Variants in ZNF197 observed in about 807,000 individuals in gnomAD.
ZNF197 encodes zinc finger protein 197.
Under a neutral mutation model 27.4 loss-of-function variants are expected in ZNF197, and 14 were observed. The observed-to-expected ratio is 0.51, with a 90% CI of 0.34 to 0.80. The LOEUF is 0.80. Among genes scored for constraint, ZNF197 ranks in the 30% least tolerant of loss-of-function variants. ZNF197 has a pLI of 0.02. For synonymous variants in ZNF197, 415 were observed against 420.0 expected (o/e 0.99, Z 0.15); for missense variants, 1,090 against 1,222.6 (o/e 0.89, Z 1.62).
In ZNF197 at chr3:44,644,007, G is replaced by T; in HGVS notation, c.2877G>T (p.Gly959=). 6.2e-7 allele frequency: 1 copy of T among 1,614,148 alleles called. No individual in the cohort carries two copies. The highest frequency in any genetic ancestry group is 8.5e-7 in the Non-Finnish European group (1 of 1,180,018). ...TTCACACAGGGGAGAAACCCTATGGGTGTAATGATTGTAGTAAAGTTTTTA... is the reference window on the plus strand; with the variant it reads ...TTCACACAGGGGAGAAACCCTATGGTTGTAATGATTGTAGTAAAGTTTTTA... ...QRIHTGEKPY[G]CNDCSKVFRQ... is the part of the protein sequence containing the mutation. Residue 959 remains glycine (G), a synonymous_variant, in exon 6 of 6, where the codon GGG becomes GGT. Transcript: ENST00000344387.
At chr3:44,627,830 CAAAAA>C (rs536166949) in intron 1 of ZNF197, among the ~76,000 whole-genome samples, 3 of 85,474 alleles carry the variant, frequency 3.5e-5, no homozygotes. Context: ...GACTCCATCT[CAAAAA>C]AAAAAAAAAA....
Position 44,640,383 on chromosome 3 carries a change from CTTGTT to C in ZNF197, c.770-1508_770-1504del, listed in dbSNP as rs1392244978. On this transcript the variant is annotated intron_variant, in intron 5 of 5. Transcript: ENST00000344387. This position sits in a 1 kb window ranked among gnomAD's most constrained non-coding sequence, Gnocchi z 4.0. ...CTCTTTGTTTTTTGTTTGTTTTGTT[CTTGTT>C]TTGTTTTGAGATGGAGTCTTGCTCT... Among the ~76,000 whole-genome samples, 2 of 151,834 alleles carry C rather than the reference CTTGTT, an allele frequency of 1.3e-5. No homozygotes were observed. Among genetic ancestry groups the C allele is most frequent in the African/African-American group, 4.8e-5 (2 of 41,336 alleles).
chr3:44,634,077 A>G (rs967766071), intron 5 of ZNF197, among the ~76,000 whole-genome samples: 6 of 152,184 alleles, frequency 3.9e-5, no homozygotes, highest in Non-Finnish European at 8.8e-5. Context: ...TTAAACTCCC[A>G]CAGAAAGAAC....
At position 44,629,124 on chromosome 3, in the gene ZNF197, A is replaced by C; in HGVS notation, c.-31A>C. On this transcript the variant is annotated 5_prime_UTR_variant, in exon 2 of 6. Coordinates refer to ENST00000344387, the MANE Select transcript of ZNF197 (RefSeq NM_006991.5). ...GAAGTCAAGGATTAAGGAGACCTGG[A>C]CTGGAGAGGAGCCTTTTTCAAAAAA... 1 of 1,578,898 alleles carries C rather than the reference A, an allele frequency of 6.3e-7. No homozygotes were observed. Among genetic ancestry groups the C allele is most frequent in the Non-Finnish European group, 8.6e-7 (1 of 1,166,868 alleles).
intron 1 of ZNF197, among the ~76,000 whole-genome samples, chr3:44,627,652 G>A (rs1486191983): frequency 1.3e-5 from 2 of 151,832 alleles, no homozygotes; most frequent in Admixed American, 6.6e-5. Flanking sequence ...CCAACATTGC[G>A]AAACCCCGTC....
rs1030418064 is a variant in ZNF197, at chr3:44,640,296, CTTCAT to C, written c.770-1600_770-1596del. 5.3e-5 allele frequency among the ~76,000 whole-genome samples: 8 copies of C among 152,254 alleles called. No homozygotes were observed. The highest frequency in any genetic ancestry group is 3.3e-4 in the Admixed American group (5 of 15,284). On this transcript the variant is annotated intron_variant, in intron 5 of 5. Coordinates refer to ENST00000344387, the MANE Select transcript of ZNF197 (RefSeq NM_006991.5). This position sits in a 1 kb window ranked among gnomAD's most constrained non-coding sequence, Gnocchi z 4.0. Reference sequence around the variant, plus strand: ...CATCTCAGTTTAACTACTTGTAACACTTCATTTCCTTATATAGAAATGTTTCATTA... The same window carrying C: ...CATCTCAGTTTAACTACTTGTAACACTTCCTTATATAGAAATGTTTCATTA...
At chr3:44,638,513 T>C (rs1702427756) in intron 5 of ZNF197, among the ~76,000 whole-genome samples, 1 of 152,202 alleles carries the variant, frequency 6.6e-6, no homozygotes, top group African/African-American at 2.4e-5. Flanking sequence ...GATTTTGTCA[T>C]CTGCAAATAG....
In ZNF197 at chr3:44,646,705, C is replaced by A; in HGVS notation, c.*2485C>A. The A allele has an allele frequency of 1.8e-6, 1 of 541,710 alleles. No homozygotes were observed. The highest frequency in any genetic ancestry group is 2.7e-5 in the South Asian group (1 of 37,254). The allele number at this position is 541,710 out of a possible 1,614,324, so 33.6% of individuals were successfully genotyped here. A position where few individuals can be genotyped will look rare whatever the true frequency, so the allele number is the denominator to read the frequency against. On this transcript the variant is annotated 3_prime_UTR_variant, in exon 6 of 6. Transcript: ENST00000344387. The stretch of plus-strand genomic sequence containing the variant: ...TGCTTTTGTGTATGTATGAAAATTT[C>A]GATATGAAAGGTATAAAACATGGAT...
At chr3:44,632,673 C>G in intron 5 of ZNF197, 74 bp downstream of exon 5, 1 of 1,361,670 alleles carries the variant, frequency 7.3e-7, no homozygotes, top group Non-Finnish European at 9.6e-7. Context: ...ATAAAAGTAG[C>G]ATATATGTAT....
intron 5 of ZNF197, among the ~76,000 whole-genome samples, chr3:44,638,300 G>C (rs929618547): frequency 6.6e-6 from 1 of 151,374 alleles, no homozygotes; most frequent in Non-Finnish European, 1.5e-5. Flanking sequence ...ATGCGATGGG[G>C]TTTTATACGT....
rs151066995 is a variant in ZNF197, at chr3:44,633,274, A to G, written c.769+675A>G. Among the ~76,000 whole-genome samples the G allele has an allele frequency of 2.8e-4, 43 of 152,354 alleles. No homozygotes were observed. In the East Asian group the frequency reaches 7.3e-3, roughly 26 times the overall value. ...AAATAATAAAAGAATATTTCAAAACAATTTTTAGCCATTTTTGCTACCAGC... is the reference window on the plus strand; with the variant it reads ...AAATAATAAAAGAATATTTCAAAACGATTTTTAGCCATTTTTGCTACCAGC... On this transcript the variant is annotated intron_variant, in intron 5 of 5. Coordinates refer to ENST00000344387, the MANE Select transcript of ZNF197 (RefSeq NM_006991.5).
At chr3:44,638,166 A>T (rs1487244772) in intron 5 of ZNF197, among the ~76,000 whole-genome samples, 1 of 152,094 alleles carries the variant, frequency 6.6e-6, no homozygotes, top group Non-Finnish European at 1.5e-5. Context: ...TAAGAATATA[A>T]GTTTTTCACT....
chr3:44,629,073 G>C lies in ZNF197; in HGVS notation c.-81-1G>C. ...AACAATGATTTCTTGAGGTCTTGTAGATGATACTCTCCAAGCTGTAAGGAA... is the reference window on the plus strand; with the variant it reads ...AACAATGATTTCTTGAGGTCTTGTACATGATACTCTCCAAGCTGTAAGGAA... On this transcript the variant is annotated splice_acceptor_variant, in intron 1 of 5. Coordinates refer to ENST00000344387, the MANE Select transcript of ZNF197 (RefSeq NM_006991.5). LOFTEE classifies it low-confidence loss of function (5UTR_SPLICE). The C allele has an allele frequency of 6.6e-7, 1 of 1,520,408 alleles. No homozygotes were observed. Among genetic ancestry groups the C allele is most frequent in the South Asian group, 1.4e-5 (1 of 73,154 alleles). The allele number at this position is 1,520,408 out of a possible 1,614,324, so 94.2% of individuals were successfully genotyped here.
chr3:44,632,387 G>C, intron 4 of ZNF197, 86 bp from the exon 5 acceptor site: 1 of 1,537,304 alleles, frequency 6.5e-7, no homozygotes, highest in Non-Finnish European at 8.8e-7. Context: ...TGGCCTCACA[G>C]TGTATCCCTT....
At chr3:44,639,849 A>G (rs1702500268) in intron 5 of ZNF197, among the ~76,000 whole-genome samples, 1 of 152,040 alleles carries the variant, frequency 6.6e-6, no homozygotes, top group Admixed American at 6.6e-5. Flanking sequence ...CTAGGGGCAT[A>G]AGAGATACTG....
At chr3:44,630,913 A>AGCTTTACT (rs1213665322) in intron 2 of ZNF197, 149 bp from the exon 3 acceptor site, 2 of 1,094,852 alleles carry the variant, frequency 1.8e-6, no homozygotes, top group African/African-American at 3.1e-5. Flanking sequence ...CTCAATGCAA[A>AGCTTTACT]GCTTTACTGC....
intron 5 of ZNF197, among the ~76,000 whole-genome samples, chr3:44,635,683 C>T (rs1177141602): frequency 6.6e-6 from 1 of 152,090 alleles, no homozygotes; most frequent in African/African-American, 2.4e-5. Context: ...TATTGAGTAC[C>T]TCCCCTGTCA....
chr3:44,629,880 T>C (rs1490842577), intron 2 of ZNF197, among the ~76,000 whole-genome samples: 3 of 152,214 alleles, frequency 2.0e-5, no homozygotes, highest in Non-Finnish European at 4.4e-5. Flanking sequence ...GAAGCCTATG[T>C]ATTGTTTCTA....
rs1701559725 is a variant in ZNF197 at position 44,625,072 on chromosome 3, C to T, written c.-153C>T. On this transcript the variant is annotated 5_prime_UTR_variant, in exon 1 of 6. Transcript: ENST00000344387. The stretch of plus-strand genomic sequence containing the variant: ...GCCTCGGCTGCCGGAAGGGCTCGTT[C>T]CTGTGTCATCTCCTAGCGGCCTGGC... 6.6e-6 allele frequency: 1 copy of T among 152,262 alleles called. No homozygotes were observed. The highest frequency in any genetic ancestry group is 6.5e-5 in the Admixed American group (1 of 15,288). 9.4% of individuals were successfully genotyped at this position (152,262 alleles called of 1,614,324 possible).
Sources: gnomAD v4.1 joint callset for allele counts (sites outside exome capture counted in the v4.1 genomes callset) on GRCh38, gnomAD v4.1.1 for gene constraint, Gnocchi (gnomAD v3.1) non-coding constraint, MANE v1.5 for transcripts, NCBI Gene and HGNC (gene_info 2026-07-23, HGNC 2026-07-21) for gene names.